CDH13: variants seen among roughly 807,000 people sequenced by gnomAD.
The protein encoded by CDH13 is cadherin 13.
A neutral mutation model predicts 63.8 loss-of-function variants in CDH13; 24 were observed. That is an observed-to-expected ratio of 0.38 (90% CI 0.27 to 0.53). The LOEUF (loss-of-function observed/expected upper bound fraction) is 0.53, where lower values mean the gene tolerates loss of function less well. Among genes scored for constraint, CDH13 ranks in the 20% least tolerant of loss-of-function variants. CDH13 has a pLI of 0.85. For synonymous variants in CDH13, 503 were observed against 355.3 expected (o/e 1.42, Z -4.67); for missense variants, 1,049 against 903.1 (o/e 1.16, Z -2.07).
chr16:83,583,765 A>T (rs1187565649), intron 7 of CDH13, among the ~76,000 whole-genome samples: 1 of 151,784 alleles, frequency 6.6e-6, no homozygotes, highest in Non-Finnish European at 1.5e-5. Flanking sequence ...AAAAAGAAAA[A>T]AAAAAGCCGG....
intron 6 of CDH13, among the ~76,000 whole-genome samples, chr16:83,478,071 A>G (rs1029193827): frequency 6.6e-6 from 1 of 151,702 alleles, no homozygotes; most frequent in Middle Eastern, 3.2e-3. Flanking sequence ...GAGGCAGAAG[A>G]ATGGCATGAA....
Position 82,627,170 on chromosome 16 carries a change from G to T in CDH13, c.45+33G>T, listed in dbSNP as rs1220518840. 6 of 1,572,206 alleles carry T rather than the reference G, an allele frequency of 3.8e-6. No individual in the cohort carries two copies. The Admixed American group carries it at 5.3e-5, about 14-fold the overall frequency. On this transcript the variant is annotated intron_variant, in intron 1 of 13. Coordinates refer to ENST00000567109, the MANE Select transcript of CDH13 (RefSeq NM_001257.5). Reference sequence around the variant, plus strand: ...AGAGGGGCTGCCGGGCGCGCTCTGCGCCCCGTTTCTGCATTCGGATCGCCC... The same window carrying T: ...AGAGGGGCTGCCGGGCGCGCTCTGCTCCCCGTTTCTGCATTCGGATCGCCC...
chr16:83,388,302 A>AAAAAAT (rs369123902), intron 6 of CDH13, among the ~76,000 whole-genome samples: 2 of 149,720 alleles, frequency 1.3e-5, no homozygotes, highest in African/African-American at 5.0e-5. Context: ...AAAAAAAAAA[A>AAAAAAT]TGTTAGCCAG....
chr16:82,993,868 G>T (rs1911918881), intron 2 of CDH13, among the ~76,000 whole-genome samples: 1 of 152,128 alleles, frequency 6.6e-6, no homozygotes, highest in Admixed American at 6.5e-5. Context: ...TGGTCACCTG[G>T]TGCTTCGTTC....
At chr16:82,846,973 T>C (rs188424186) in intron 1 of CDH13, among the ~76,000 whole-genome samples, 1 of 152,306 alleles carries the variant, frequency 6.6e-6, no homozygotes, top group East Asian at 1.9e-4. Flanking sequence ...AGGACACTCA[T>C]TGCCACATCC....
intron 1 of CDH13, among the ~76,000 whole-genome samples, chr16:82,702,796 G>T (rs923887446): frequency 1.1e-4 from 16 of 152,152 alleles, no homozygotes; most frequent in African/African-American, 3.9e-4. Flanking sequence ...CTGGAACCCT[G>T]TGGCCCCCAG....
intron 7 of CDH13, among the ~76,000 whole-genome samples, chr16:83,562,090 T>C (rs1330649071): frequency 5.3e-5 from 8 of 152,128 alleles, no homozygotes; most frequent in Admixed American, 5.2e-4. Flanking sequence ...CTTCCACAGT[T>C]TAGATCTCAG....
rs149223603 is a variant in CDH13 at position 83,309,344 on chromosome 16, G to A, written c.637-35518G>A. On this transcript the variant is annotated intron_variant, in intron 5 of 13. Coordinates refer to ENST00000567109, the MANE Select transcript of CDH13 (RefSeq NM_001257.5). ...TGTCTTCAGCAGATGTCCTTTGAGG[G>A]TCCAGGTCAGTCTCTGGAGGCACTC... 2.9e-3 allele frequency among the ~76,000 whole-genome samples: 437 copies of A among 151,696 alleles called. 1 individual carries two copies. Among genetic ancestry groups the A allele is most frequent in the African/African-American group, 9.6e-3 (399 of 41,376 alleles).
At chr16:83,061,739 A>C (rs909714411) in intron 3 of CDH13, among the ~76,000 whole-genome samples, 19 of 152,246 alleles carry the variant, frequency 1.2e-4, no homozygotes, top group African/African-American at 4.6e-4. Flanking sequence ...TGAAATGAGT[A>C]GAAAGAACAA....
At chr16:83,102,930 CTTTTTTT>C (rs71148812) in intron 3 of CDH13, among the ~76,000 whole-genome samples, 1 of 96,934 alleles carries the variant, frequency 1.0e-5, no homozygotes, top group South Asian at 3.1e-4. Flanking sequence ...TTTTCTTTTT[CTTTTTTT>C]TTTTCTTTTT....
In CDH13 at chr16:82,683,149, G is replaced by T. The variant is rs13336088; in HGVS notation, c.45+56012G>T. On this transcript the variant is annotated intron_variant, in intron 1 of 13. Transcript: ENST00000567109. ...ACAATGCTCTGCAGGAAAATAAGTC[G>T]TAGATCAGAAGATGTCGCCCTGGTG... Among the ~76,000 whole-genome samples the T allele has an allele frequency of 3.9e-4, 59 of 152,266 alleles. 3 individuals carry two copies. The South Asian group carries it at 0.012, about 32-fold the overall frequency.
At chr16:82,780,636 T>C (rs1039668817) in intron 1 of CDH13, among the ~76,000 whole-genome samples, 1 of 152,260 alleles carries the variant, frequency 6.6e-6, no homozygotes, top group Non-Finnish European at 1.5e-5. Flanking sequence ...TTAGTTTAGC[T>C]CAAGGGAAGA....
At chr16:83,484,980 T>G (rs2073853918) in intron 6 of CDH13, among the ~76,000 whole-genome samples, 2 of 152,204 alleles carry the variant, frequency 1.3e-5, no homozygotes, top group South Asian at 4.2e-4. Context: ...GGGGGCTGCA[T>G]GGGCCAGGAA....
At chr16:83,594,615 C>G (rs535017607) in intron 7 of CDH13, among the ~76,000 whole-genome samples, 1 of 152,282 alleles carries the variant, frequency 6.6e-6, no homozygotes, top group African/African-American at 2.4e-5. Context: ...TCGGTCTAGA[C>G]AAACTGTAAA....
chr16:83,707,432 A>G (rs767236699), intron 10 of CDH13, among the ~76,000 whole-genome samples: 3 of 152,066 alleles, frequency 2.0e-5, no homozygotes, highest in South Asian at 2.1e-4. Context: ...CCTGTAACCT[A>G]TCTGCTCTCT....
intron 7 of CDH13, among the ~76,000 whole-genome samples, chr16:83,556,830 T>A (rs1489949694): frequency 6.6e-6 from 1 of 152,246 alleles, no homozygotes; most frequent in East Asian, 1.9e-4. Context: ...TCTCAGCTGA[T>A]GCCAGGGAAC....
intron 1 of CDH13, among the ~76,000 whole-genome samples, chr16:82,695,043 A>G (rs2030096367): frequency 1.3e-5 from 2 of 152,094 alleles, no homozygotes; most frequent in Admixed American, 1.3e-4. Context: ...TAAGTATCCC[A>G]AGGTGGAGGA....
At chr16:83,407,796 C>T (rs778750226) in intron 6 of CDH13, among the ~76,000 whole-genome samples, 6 of 152,232 alleles carry the variant, frequency 3.9e-5, no homozygotes, top group South Asian at 4.2e-4. Flanking sequence ...TCCAGCATTG[C>T]GCATTAGAAG....
chr16:83,355,449 C>G (rs899068425), intron 6 of CDH13, among the ~76,000 whole-genome samples: 1 of 152,182 alleles, frequency 6.6e-6, no homozygotes, highest in Non-Finnish European at 1.5e-5. Flanking sequence ...TCTCTTCATC[C>G]TTCAACTTCC....
Sources: allele counts gnomAD v4.1 joint callset (sites outside exome capture counted in the v4.1 genomes callset), GRCh38; gene constraint gnomAD v4.1.1; transcripts MANE v1.5; gene names NCBI Gene and HGNC (gene_info 2026-07-23, HGNC 2026-07-21).